The following LDAH variants were observed in gnomAD, a reference collection of about 807,000 sequenced individuals.
The protein encoded by LDAH is lipid droplet-associated hydrolase.
Under a neutral mutation model 29.6 loss-of-function variants are expected in LDAH, and 26 were observed. The ratio of observed to expected loss-of-function variants is 0.88; its 90% CI spans 0.64 to 1.22. LDAH has a LOEUF of 1.22. LDAH is among the 50% of genes most tolerant of loss of function. The probability of loss-of-function intolerance (pLI) is 0.00; values close to 1 mark genes in which losing one functional copy is unlikely to be tolerated. For synonymous variants in LDAH, 117 were observed against 133.0 expected, an observed-to-expected ratio of 0.88 and a Z score of 0.83; for missense variants, 344 against 387.3, an observed-to-expected ratio of 0.89 and a Z score of 0.94.
chr2:20,683,687 T>C (rs1476879332), downstream of LDAH, among the ~76,000 whole-genome samples: 2 of 152,114 alleles, frequency 1.3e-5, no homozygotes, highest in African/African-American at 4.8e-5. Flanking sequence ...GGTGAAACAG[T>C]GCAGGGACTG....
intron 1 of LDAH, among the ~76,000 whole-genome samples, chr2:20,822,230 T>C (rs1673370824): frequency 6.6e-6 from 1 of 152,130 alleles, no homozygotes; most frequent in Non-Finnish European, 1.5e-5. Context: ...GTTCACGCCA[T>C]TCTCCTGCTT....
At chr2:20,744,743 C>T (rs1238785656) in intron 4 of LDAH, among the ~76,000 whole-genome samples, 1 of 152,178 alleles carries the variant, frequency 6.6e-6, no homozygotes, top group Non-Finnish European at 1.5e-5. Context: ...TAATTGAGCT[C>T]ATGTAGGTAA....
At chr2:20,714,819 AAG>A (rs1239696759) in intron 5 of LDAH, among the ~76,000 whole-genome samples, 3 of 152,212 alleles carry the variant, frequency 2.0e-5, no homozygotes, top group Admixed American at 6.5e-5. Context: ...ACACCCTCCC[AAG>A]ACTAAGCCAG....
At chr2:20,768,118 C>T (rs1669162472) in intron 4 of LDAH, among the ~76,000 whole-genome samples, 1 of 152,230 alleles carries the variant, frequency 6.6e-6, no homozygotes, top group Non-Finnish European at 1.5e-5. Flanking sequence ...TGCATGTCTG[C>T]AAACCTCATT....
Position 20,800,530 on chromosome 2 carries a change from C to A in LDAH, c.154+780G>T, listed in dbSNP as rs377006041. ...TGAATACCTGCAATCGCTCAAGCAT[C>A]TGTCCCTAATTCTATTGACAATGAT... On this transcript the variant is annotated intron_variant, in intron 2 of 6. Coordinates refer to ENST00000237822, the MANE Select transcript of LDAH (RefSeq NM_021925.4). Among the ~76,000 whole-genome samples, 3 of 152,362 alleles carry A rather than the reference C, an allele frequency of 2.0e-5. No individual in the cohort carries two copies. The South Asian group carries it at 6.2e-4, about 32-fold the overall frequency.
At chr2:20,801,978 A>C (rs866316069) in intron 1 of LDAH, among the ~76,000 whole-genome samples, 22 of 145,058 alleles carry the variant, frequency 1.5e-4, no homozygotes, top group African/African-American at 5.2e-4. Flanking sequence ...GTGTGTGTGT[A>C]TGTATGAATA....
At chr2:20,766,673 C>T (rs1022106967) in intron 4 of LDAH, among the ~76,000 whole-genome samples, 2 of 152,210 alleles carry the variant, frequency 1.3e-5, no homozygotes, top group African/African-American at 4.8e-5. Context: ...GGATTGCAGC[C>T]AATAGTTTGG....
At position 20,686,832 on chromosome 2, in the gene LDAH, A is replaced by G; in HGVS notation, c.*71T>C. ...CTAATATCAGTCTTCAAAATTAAAC[A>G]TTTACCTACTAAGTCTAGTACACTG... On this transcript the variant is annotated 3_prime_UTR_variant, in exon 7 of 7. Transcript: ENST00000237822. The G allele has an allele frequency of 7.4e-7, 1 of 1,344,402 alleles. No homozygotes were observed. The highest frequency in any genetic ancestry group is 2.4e-5 in the East Asian group (1 of 42,484). The allele number at this position is 1,344,402 out of a possible 1,614,324, so 83.3% of individuals were successfully genotyped here.
intron 1 of LDAH, among the ~76,000 whole-genome samples, chr2:20,816,171 A>G (rs1672838332): frequency 6.6e-6 from 1 of 152,106 alleles, no homozygotes; most frequent in Non-Finnish European, 1.5e-5. Flanking sequence ...AGAATTCTGA[A>G]AATATTCAAG....
At chr2:20,742,367 T>G (rs1667241267) in intron 4 of LDAH, among the ~76,000 whole-genome samples, 1 of 152,232 alleles carries the variant, frequency 6.6e-6, no homozygotes, top group Non-Finnish European at 1.5e-5. Flanking sequence ...TACTGCCTGC[T>G]GGATCTGTCC....
At chr2:20,748,711 G>A (rs1014858875) in intron 4 of LDAH, among the ~76,000 whole-genome samples, 1 of 152,186 alleles carries the variant, frequency 6.6e-6, no homozygotes, top group Non-Finnish European at 1.5e-5. Context: ...TCAGTGAATA[G>A]TGAATAGCAA....
Position 20,705,679 on chromosome 2 carries a change from GAATA to G in LDAH, c.704-4031_704-4028del, listed in dbSNP as rs1664249813. ...CTTAAAGTGCTTATAGTATGAAAAA[GAATA>G]AATGATCAAAGACATAATTTTTCCT... is the stretch of plus-strand genomic sequence containing the variant. On this transcript the variant is annotated intron_variant, in intron 5 of 6. Coordinates refer to ENST00000237822, the MANE Select transcript of LDAH (RefSeq NM_021925.4). 9.2e-5 allele frequency among the ~76,000 whole-genome samples: 14 copies of G among 152,202 alleles called. 1 individual carries two copies. The South Asian group carries it at 2.9e-3, about 32-fold the overall frequency.
chr2:20,691,320 G>A (rs773923455), intron 6 of LDAH, among the ~76,000 whole-genome samples: 11 of 151,442 alleles, frequency 7.3e-5, no homozygotes, highest in South Asian at 4.2e-4. Flanking sequence ...AATCACAAGC[G>A]CATGCCACCA....
intron 2 of LDAH, among the ~76,000 whole-genome samples, chr2:20,798,890 AC>A (rs1671484109): frequency 6.6e-6 from 1 of 152,078 alleles, no homozygotes; most frequent in Admixed American, 6.6e-5. Flanking sequence ...TCAAAACAAA[AC>A]AAAAGACAAC....
chr2:20,683,703 C>A (rs1182419013), downstream of LDAH, among the ~76,000 whole-genome samples: 1 of 152,226 alleles, frequency 6.6e-6, no homozygotes, highest in East Asian at 1.9e-4. Context: ...GACTGAGATA[C>A]CACAGGGTCC....
intron 5 of LDAH, among the ~76,000 whole-genome samples, chr2:20,707,550 T>G (rs1664399509): frequency 6.6e-6 from 1 of 151,956 alleles, no homozygotes; most frequent in African/African-American, 2.4e-5. Flanking sequence ...TAGGGCAGAG[T>G]TGTAGAAGGA....
intron 4 of LDAH, among the ~76,000 whole-genome samples, chr2:20,756,181 T>A: frequency 6.6e-6 from 1 of 152,052 alleles, no homozygotes; most frequent in Non-Finnish European, 1.5e-5. Flanking sequence ...ATTACAAGTG[T>A]GCGCCACCAT....
chr2:20,810,135 C>A (rs923976090), intron 1 of LDAH, among the ~76,000 whole-genome samples: 2 of 152,182 alleles, frequency 1.3e-5, no homozygotes, highest in African/African-American at 4.8e-5. Flanking sequence ...AAGTCTGGGG[C>A]CTTAGCTGAG....
Position 20,789,108 on chromosome 2 carries a change from T to C in LDAH, c.298+1147A>G, listed in dbSNP as rs192009053. 5.9e-5 allele frequency: 92 copies of C among 1,549,454 alleles called. No homozygotes were observed. The African/African-American group carries it at 1.0e-3, about 17-fold the overall frequency. On this transcript the variant is annotated intron_variant, in intron 3 of 6. Transcript: ENST00000237822. ...TGTCTGTTGTACCTCTGCACCCACC[T>C]CCATGCCCTAAATCCAAATTTTATT...
Sources: gnomAD v4.1 joint callset for allele counts (sites outside exome capture counted in the v4.1 genomes callset) on GRCh38, gnomAD v4.1.1 for gene constraint, MANE v1.5 for transcripts, NCBI Gene and HGNC (gene_info 2026-07-23, HGNC 2026-07-21) for gene names.